The following NOG variants were observed in gnomAD, a reference collection of about 807,000 sequenced individuals.
NOG encodes symphalangism 1 (proximal).
NOG carries 2 observed loss-of-function variants against 17.9 expected under a neutral mutation model. The observed-to-expected ratio is 0.11, with a 90% CI of 0.05 to 0.35. The LOEUF (loss-of-function observed/expected upper bound fraction) is 0.35. Ranked by LOEUF, NOG falls within the 10% of genes least tolerant of loss-of-function variation. The pLI, the probability that NOG is intolerant of heterozygous loss-of-function variation, is 1.00. For synonymous variants in NOG, 166 were observed against 148.7 expected, an observed-to-expected ratio of 1.12 and a Z score of -0.85; for missense variants, 266 against 318.6, an observed-to-expected ratio of 0.83 and a Z score of 1.26.
In NOG at chr17:56,594,637, C is replaced by T; in HGVS notation, c.414C>T (p.Ser138=). 1 of 1,613,886 alleles carries T rather than the reference C, an allele frequency of 6.2e-7. No homozygotes were observed. Among genetic ancestry groups the T allele is most frequent in the Middle Eastern group, 1.7e-4 (1 of 6,060 alleles). Residue 138 remains serine, a synonymous_variant, in exon 1 of 1, where the codon AGC becomes AGT. Transcript: ENST00000332822. Reference sequence around the variant, plus strand: ...CCCAGGGCAAGAAGCAGCGCCTAAGCAAGAAGCTGCGGAGGAAGTTACAGA... The same window carrying T: ...CCCAGGGCAAGAAGCAGCGCCTAAGTAAGAAGCTGCGGAGGAAGTTACAGA... ...GLAQGKKQRL[S]KKLRRKLQMW...
rs1019555365 is a variant in NOG at position 56,595,282 on chromosome 17, G to T, written c.*360G>T. ...ACTTATTCTGGTTGTTGCTAATAATGTTAACCTGCTATTTATATTCCAGTG... is the reference window on the plus strand; with the variant it reads ...ACTTATTCTGGTTGTTGCTAATAATTTTAACCTGCTATTTATATTCCAGTG... On this transcript the variant is annotated 3_prime_UTR_variant, in exon 1 of 1. Coordinates refer to ENST00000332822, the MANE Select transcript of NOG (RefSeq NM_005450.6). The T allele has an allele frequency of 1.6e-5, 3 of 185,490 alleles. No individual in the cohort carries two copies. Among genetic ancestry groups the T allele is most frequent in the South Asian group, 2.0e-4 (1 of 5,032 alleles). The allele number at this position is 185,490 out of a possible 1,614,324, so 11.5% of individuals were successfully genotyped here.
At position 56,595,258 on chromosome 17, in the gene NOG, C is replaced by T. The variant is rs1434429591; in HGVS notation, c.*336C>T. On this transcript the variant is annotated 3_prime_UTR_variant, in exon 1 of 1. Coordinates refer to ENST00000332822, the MANE Select transcript of NOG (RefSeq NM_005450.6). ...AAAAAAAGAACAGAGAAAAGAGAGACTTATTCTGGTTGTTGCTAATAATGT... is the reference window on the plus strand; with the variant it reads ...AAAAAAAGAACAGAGAAAAGAGAGATTTATTCTGGTTGTTGCTAATAATGT... The T allele has an allele frequency of 9.6e-6, 2 of 207,460 alleles. No homozygotes were observed. The highest frequency in any genetic ancestry group is 2.1e-5 in the Non-Finnish European group (2 of 95,842). The allele number at this position is 207,460 out of a possible 1,614,324, so 12.9% of individuals were successfully genotyped here. A position where few individuals can be genotyped will look rare whatever the true frequency, so the allele number is the denominator to read the frequency against.
At position 56,595,555 on chromosome 17, in the gene NOG, C is replaced by T. The variant is rs930320032; in HGVS notation, c.*633C>T. On this transcript the variant is annotated 3_prime_UTR_variant, in exon 1 of 1. Coordinates refer to ENST00000332822, the MANE Select transcript of NOG (RefSeq NM_005450.6). ...CTGCTATTTATTCTTTATAATATCC[C>T]GTGTAGTAAATGAGAAAGAAGTGCA... The T allele has an allele frequency of 7.2e-5, 12 of 166,088 alleles. No homozygotes were observed. The highest frequency in any genetic ancestry group is 2.4e-4 in the African/African-American group (10 of 41,192). 10.3% of individuals were successfully genotyped at this position (166,088 alleles called of 1,614,324 possible).
At position 56,594,066 on chromosome 17, in the gene NOG, A is replaced by G; in HGVS notation, c.-158A>G. 4 of 521,268 alleles carry G rather than the reference A, an allele frequency of 7.7e-6. No homozygotes were observed. The highest frequency in any genetic ancestry group is 6.4e-6 in the Non-Finnish European group (2 of 310,758). 32.3% of individuals were successfully genotyped at this position (521,268 alleles called of 1,614,324 possible). A position where few individuals can be genotyped will look rare whatever the true frequency, so the allele number is the denominator to read the frequency against. On this transcript the variant is annotated 5_prime_UTR_variant, in exon 1 of 1. Coordinates refer to ENST00000332822, the MANE Select transcript of NOG (RefSeq NM_005450.6). ...CCCGGTGGGAGCCGGCGCTGCGCGA[A>G]GGGCTCTCCCGGCGGCTCATGCTGC...
rs1301908175 is a variant in NOG at position 56,594,328 on chromosome 17, G to A, written c.105G>A (p.Pro35=). Residue 35 remains proline, a synonymous_variant, in exon 1 of 1, where the codon CCG becomes CCA. Transcript: ENST00000332822. ...GCCAGCACTATCTCCACATCCGCCC[G>A]GCACCCAGCGACAACCTGCCCCTGG... ...AGGQHYLHIR[P]APSDNLPLVD... 9 of 1,613,178 alleles carry A rather than the reference G, an allele frequency of 5.6e-6. No individual in the cohort carries two copies. Among genetic ancestry groups the A allele is most frequent in the Non-Finnish European group, 7.6e-6 (9 of 1,179,802 alleles).
rs2052479691 is a variant in NOG at position 56,595,556 on chromosome 17, G to C, written c.*634G>C. The C allele has an allele frequency of 6.0e-6, 1 of 166,156 alleles. No homozygotes were observed. Among genetic ancestry groups the C allele is most frequent in the African/African-American group, 2.4e-5 (1 of 41,264 alleles). The allele number at this position is 166,156 out of a possible 1,614,324, so 10.3% of individuals were successfully genotyped here. ...TGCTATTTATTCTTTATAATATCCC[G>C]TGTAGTAAATGAGAAAGAAGTGCAG... On this transcript the variant is annotated 3_prime_UTR_variant, in exon 1 of 1. Transcript: ENST00000332822.
chr17:56,593,978 C>T lies in NOG; in HGVS notation c.-246C>T. The T allele has an allele frequency of 2.3e-6, 1 of 427,500 alleles. No homozygotes were observed. The highest frequency in any genetic ancestry group is 4.1e-6 in the Non-Finnish European group (1 of 245,096). 26.5% of individuals were successfully genotyped at this position (427,500 alleles called of 1,614,324 possible). ...TGGAGTAATTTCGGATGCCCAGCCG[C>T]GGCCGCCTTCCCCAGTAGACCCGGG... On this transcript the variant is annotated 5_prime_UTR_variant, in exon 1 of 1. Transcript: ENST00000332822.
rs770461784 is a variant in NOG at position 56,594,604 on chromosome 17, G to A, written c.381G>A (p.Glu127=). ...AGATCAAAGGGCTAGAGTTCTCCGA[G>A]GGCTTGGCCCAGGGCAAGAAGCAGC... ...PSEIKGLEFS[E]GLAQGKKQRL... is the part of the protein sequence containing the mutation. Residue 127 remains glutamate (E), a synonymous_variant, in exon 1 of 1, where the codon GAG becomes GAA. Coordinates refer to ENST00000332822, the MANE Select transcript of NOG (RefSeq NM_005450.6). The A allele has an allele frequency of 1.2e-6, 2 of 1,612,388 alleles. No individual in the cohort carries two copies. The highest frequency in any genetic ancestry group is 1.1e-5 in the South Asian group (1 of 90,692).
chr17:56,594,713 C>G lies in NOG; in HGVS notation c.490C>G (p.Leu164Val). ...CCCCGTGCTGTACGCGTGGAACGACCTGGGCAGCCGCTTTTGGCCGCGCTA... is the reference window on the plus strand; with the variant it reads ...CCCCGTGCTGTACGCGTGGAACGACGTGGGCAGCCGCTTTTGGCCGCGCTA... Reference protein sequence around the residue: ...FCPVLYAWNDLGSRFWPRYVK... With the variant: ...FCPVLYAWNDVGSRFWPRYVK... Residue 164 changes from leucine (L) to valine (V), a missense_variant, in exon 1 of 1, where the codon CTG becomes GTG. By Grantham distance (32) the Leu-to-Val change is conservative. Transcript: ENST00000332822. 1 of 1,613,840 alleles carries G rather than the reference C, an allele frequency of 6.2e-7. No individual in the cohort carries two copies. Among genetic ancestry groups the G allele is most frequent in the South Asian group, 1.1e-5 (1 of 91,038 alleles).
In NOG at chr17:56,594,215, G is replaced by A. The variant is rs772179196; in HGVS notation, c.-9G>A. The A allele has an allele frequency of 6.4e-7, 1 of 1,561,354 alleles. No individual in the cohort carries two copies. The highest frequency in any genetic ancestry group is 1.2e-5 in the South Asian group (1 of 86,306). On this transcript the variant is annotated 5_prime_UTR_variant, in exon 1 of 1. Coordinates refer to ENST00000332822, the MANE Select transcript of NOG (RefSeq NM_005450.6). ...GACGAAGCAGCAGCCCCGGGCGCGC[G>A]CCAGAGGCATGGAGCGCTGCCCCAG...
rs1033352311 is a variant in NOG at position 56,594,382 on chromosome 17, C to A, written c.159C>A (p.Ile53=). 1 of 1,613,388 alleles carries A rather than the reference C, an allele frequency of 6.2e-7. No homozygotes were observed. Among genetic ancestry groups the A allele is most frequent in the Admixed American group, 1.7e-5 (1 of 60,030 alleles). ...ACCTCATCGAACACCCAGACCCTATCTTTGACCCCAAGGAAAAGGATCTGA... is the reference window on the plus strand; with the variant it reads ...ACCTCATCGAACACCCAGACCCTATATTTGACCCCAAGGAAAAGGATCTGA... ...LVDLIEHPDP[I]FDPKEKDLNE... is the part of the protein sequence containing the mutation. Residue 53 remains isoleucine (I), a synonymous_variant, in exon 1 of 1, where the codon ATC becomes ATA. Transcript: ENST00000332822.
In NOG at chr17:56,593,928, C is replaced by T; in HGVS notation, c.-296C>T. On this transcript the variant is annotated 5_prime_UTR_variant, in exon 1 of 1. Coordinates refer to ENST00000332822, the MANE Select transcript of NOG (RefSeq NM_005450.6). The stretch of plus-strand genomic sequence containing the variant: ...GCCCGGGAAGGCAGCGAGGAGCCGG[C>T]GCCTCCCGCGCCCCGCGGTCGCCCT... 2.7e-6 allele frequency: 1 copy of T among 364,398 alleles called. No individual in the cohort carries two copies. The highest frequency in any genetic ancestry group is 5.0e-5 in the East Asian group (1 of 19,842). The allele number at this position is 364,398 out of a possible 1,614,324, so 22.6% of individuals were successfully genotyped here.
chr17:56,594,538 C>T lies in NOG; in HGVS notation c.315C>T (p.Asp105=), dbSNP rs2052469474. 3 of 1,598,360 alleles carry T rather than the reference C, an allele frequency of 1.9e-6. No homozygotes were observed. The highest frequency in any genetic ancestry group is 1.3e-5 in the African/African-American group (1 of 74,592). Residue 105 remains aspartate (D), a synonymous_variant, in exon 1 of 1, where the codon GAC becomes GAT. Transcript: ENST00000332822. ...AGGAEDLAEL[D]QLLRQRPSGA... The stretch of plus-strand genomic sequence containing the variant: ...GCGCGGAGGACCTGGCGGAGCTGGA[C>T]CAGCTGCTGCGGCAGCGGCCGTCGG...
chr17:56,594,063 C>T lies in NOG; in HGVS notation c.-161C>T. The T allele has an allele frequency of 1.9e-6, 1 of 519,200 alleles. No homozygotes were observed. The highest frequency in any genetic ancestry group is 3.3e-5 in the South Asian group (1 of 29,988). The allele number at this position is 519,200 out of a possible 1,614,324, so 32.2% of individuals were successfully genotyped here. On this transcript the variant is annotated 5_prime_UTR_variant, in exon 1 of 1. Transcript: ENST00000332822. ...CGCCCCGGTGGGAGCCGGCGCTGCGCGAAGGGCTCTCCCGGCGGCTCATGC... is the reference window on the plus strand; with the variant it reads ...CGCCCCGGTGGGAGCCGGCGCTGCGTGAAGGGCTCTCCCGGCGGCTCATGC...
Position 56,595,121 on chromosome 17 carries a change from T to C in NOG, c.*199T>C. On this transcript the variant is annotated 3_prime_UTR_variant, in exon 1 of 1. Coordinates refer to ENST00000332822, the MANE Select transcript of NOG (RefSeq NM_005450.6). The stretch of plus-strand genomic sequence containing the variant: ...CACTGTTTAACTGTGTAGGAATGTA[T>C]ATGTGTGTGTATATACGGTCCCAGT... 1 of 544,346 alleles carries C rather than the reference T, an allele frequency of 1.8e-6. No individual in the cohort carries two copies. The highest frequency in any genetic ancestry group is 3.3e-6 in the Non-Finnish European group (1 of 303,406). 33.7% of individuals were successfully genotyped at this position (544,346 alleles called of 1,614,324 possible).
chr17:56,594,772 G>A lies in NOG; in HGVS notation c.549G>A (p.Ser183=), dbSNP rs772012301. 9.9e-6 allele frequency: 16 copies of A among 1,613,460 alleles called. No individual in the cohort carries two copies. The highest frequency in any genetic ancestry group is 1.4e-5 in the Non-Finnish European group (16 of 1,179,592). ...TGGGCAGCTGCTTCAGTAAGCGCTC[G>A]TGCTCCGTGCCCGAGGGCATGGTGT... ...VKVGSCFSKR[S]CSVPEGMVCK... Residue 183 remains serine, a synonymous_variant, in exon 1 of 1, where the codon TCG becomes TCA. Coordinates refer to ENST00000332822, the MANE Select transcript of NOG (RefSeq NM_005450.6).
chr17:56,594,247 G>A lies in NOG; in HGVS notation c.24G>A (p.Gly8=). The change falls in exon 1 of 1, where the codon GGG becomes GGA. Residue 8 remains glycine, a synonymous_variant. Transcript: ENST00000332822. The part of the protein sequence containing the change: MERCPSL[G]VTLYALVVVL... ...GCATGGAGCGCTGCCCCAGCCTAGG[G>A]GTCACCCTCTACGCCCTGGTGGTGG... 1 of 1,600,942 alleles carries A rather than the reference G, an allele frequency of 6.2e-7. No individual in the cohort carries two copies. The highest frequency in any genetic ancestry group is 8.5e-7 in the Non-Finnish European group (1 of 1,174,280).
chr17:56,594,487 C>T lies in NOG; in HGVS notation c.264C>T (p.Pro88=), dbSNP rs756078666. The change falls in exon 1 of 1, where the codon CCC becomes CCT. Residue 88 remains proline, a synonymous_variant. Transcript: ENST00000332822. ...CCACCTCGCCCCCCGAGGACCGGCC[C>T]GGCGGGGGCGGGGGTGCAGCTGGGG... ...FMATSPPEDR[P]GGGGGAAGGA... The T allele has an allele frequency of 7.5e-6, 12 of 1,610,308 alleles. No individual in the cohort carries two copies. The highest frequency in any genetic ancestry group is 3.3e-5 in the Admixed American group (2 of 59,804).
Position 56,594,254 on chromosome 17 carries a change from C to T in NOG, c.31C>T (p.Leu11Phe), listed in dbSNP as rs1214929623. The stretch of plus-strand genomic sequence containing the variant: ...GCGCTGCCCCAGCCTAGGGGTCACC[C>T]TCTACGCCCTGGTGGTGGTCCTGGG... MERCPSLGVT[L>F]YALVVVLGLR... The change falls in exon 1 of 1, where the codon CTC becomes TTC. Residue 11 changes from leucine (L) to phenylalanine (F), a missense_variant. By Grantham distance (22) the Leu-to-Phe change is conservative. Transcript: ENST00000332822. 2.5e-6 allele frequency: 4 copies of T among 1,605,548 alleles called. No homozygotes were observed. The African/African-American group carries it at 4.0e-5, about 16-fold the overall frequency.
Sources: gnomAD v4.1 joint callset for allele counts on GRCh38, gnomAD v4.1.1 for gene constraint, MANE v1.5 for transcripts, NCBI Gene and HGNC (gene_info 2026-07-23, HGNC 2026-07-21) for gene names.